DIAPH2: variants seen among roughly 807,000 people sequenced by gnomAD.
DIAPH2 encodes the protein protein diaphanous homolog 2.
In DIAPH2, 35 loss-of-function variants were observed where a neutral mutation model predicts 92.7. The ratio of observed to expected loss-of-function variants is 0.38; its 90% CI spans 0.29 to 0.50. The LOEUF (loss-of-function observed/expected upper bound fraction) is 0.50, where lower values mean the gene tolerates loss of function less well. Among genes scored for constraint, DIAPH2 ranks in the 20% least tolerant of loss-of-function variants. The pLI is 0.94. For synonymous variants in DIAPH2, 301 were observed against 280.4 expected (o/e 1.07, Z -0.73); for missense variants, 701 against 819.5 (o/e 0.86, Z 1.77).
intron 26 of DIAPH2, among the ~76,000 whole-genome samples, chrX:97,459,664 T>G (rs1330212281): frequency 1.8e-5 from 2 of 112,074 alleles, no homozygotes; most frequent in Non-Finnish European, 3.8e-5. Context: ...AATCCTCATA[T>G]CAATCCTACA....
In DIAPH2 at chrX:97,544,966, A is replaced by G. The variant is rs142210469; in HGVS notation, c.3242-54287A>G. ...TGGTGTACCCGGCAGCTGTGAGAAT[A>G]GCAAAGACACAGCCTCAGCCTCCCA... On this transcript the variant is annotated intron_variant, in intron 26 of 26. Coordinates refer to ENST00000324765, the MANE Select transcript of DIAPH2 (RefSeq NM_006729.5). Among the ~76,000 whole-genome samples, 557 of 111,352 alleles carry G rather than the reference A, an allele frequency of 5.0e-3. 2 individuals carry two copies. The highest frequency in any genetic ancestry group is 9.0e-3 in the Non-Finnish European group (475 of 53,050).
intron 16 of DIAPH2, among the ~76,000 whole-genome samples, chrX:96,962,396 TATATATACACATATATATATACAC>T (rs2065863433): frequency 6.1e-4 from 38 of 62,072 alleles, no homozygotes; most frequent in South Asian, 1.8e-3. Flanking sequence ...TATATACACA[TATATATACACATATATATATACAC>T]ATATATATAC....
intron 4 of DIAPH2, among the ~76,000 whole-genome samples, chrX:96,838,717 G>A (rs1227476810): frequency 9.0e-6 from 1 of 111,592 alleles, no homozygotes; most frequent in Non-Finnish European, 1.9e-5. Context: ...TAGATGAAAT[G>A]GAAAGTAATT....
Position 97,015,611 on chromosome X carries a change from C to A in DIAPH2, c.2050+50404C>A, listed in dbSNP as rs923614075. On this transcript the variant is annotated intron_variant, in intron 17 of 26. Transcript: ENST00000324765. ...AAAAATGACTCGTGTAAATATGTGT[C>A]GGTGTACATGTTAACATGGCATTTT... 4.5e-5 allele frequency among the ~76,000 whole-genome samples: 5 copies of A among 110,501 alleles called. No individual in the cohort carries two copies. In the Admixed American group the frequency reaches 4.8e-4, roughly 11 times the overall value.
chrX:96,899,459 A>G (rs944178535), intron 5 of DIAPH2, among the ~76,000 whole-genome samples: 1 of 110,493 alleles, frequency 9.1e-6, no homozygotes, highest in Non-Finnish European at 1.9e-5. Flanking sequence ...TGTAAGTTGG[A>G]TTCCTAGGTA....
At chrX:97,203,459 A>G (rs1032685939) in intron 22 of DIAPH2, among the ~76,000 whole-genome samples, 3 of 111,757 alleles carry the variant, frequency 2.7e-5, no homozygotes, top group Non-Finnish European at 3.8e-5. Context: ...AGAAGAATCA[A>G]ATAGACACAA....
intron 25 of DIAPH2, among the ~76,000 whole-genome samples, chrX:97,419,897 C>T (rs1203232074): frequency 2.7e-5 from 3 of 111,506 alleles, no homozygotes; most frequent in Non-Finnish European, 5.6e-5. Context: ...TTACTTTTCC[C>T]TTCACAAGCC....
intron 4 of DIAPH2, among the ~76,000 whole-genome samples, chrX:96,760,091 A>T: frequency 9.0e-6 from 1 of 111,442 alleles, no homozygotes; most frequent in African/African-American, 3.2e-5. Context: ...GAGCACCTGA[A>T]ATATGCACAG....
chrX:97,537,515 C>CCTG (rs1235802567), intron 26 of DIAPH2, among the ~76,000 whole-genome samples: 2 of 111,763 alleles, frequency 1.8e-5, no homozygotes, highest in African/African-American at 6.5e-5. Flanking sequence ...CCGAATGATT[C>CCTG]CTGCCTCCTG....
chrX:97,526,759 A>AT (rs764458186), intron 26 of DIAPH2, among the ~76,000 whole-genome samples: 35 of 111,608 alleles, frequency 3.1e-4, no homozygotes, highest in African/African-American at 1.1e-3. Flanking sequence ...GTACTCTAAA[A>AT]TTCTCTTATT....
chrX:97,272,882 G>A (rs747920291), intron 23 of DIAPH2, among the ~76,000 whole-genome samples: 17 of 112,318 alleles, frequency 1.5e-4, no homozygotes, highest in African/African-American at 3.9e-4. Flanking sequence ...TTGGCTGAGC[G>A]CAGTGGCTCA....
At chrX:96,812,970 TGTG>T (rs768901887) in intron 4 of DIAPH2, among the ~76,000 whole-genome samples, 15 of 111,754 alleles carry the variant, frequency 1.3e-4, no homozygotes, top group Admixed American at 6.7e-4. Context: ...ATAAGTGTGA[TGTG>T]GTGCTGAGAA....
chrX:97,059,527 G>C (rs190666035), intron 17 of DIAPH2, among the ~76,000 whole-genome samples: 20 of 111,430 alleles, frequency 1.8e-4, no homozygotes, highest in African/African-American at 5.9e-4. Flanking sequence ...AATAACTTTT[G>C]ACTCCCAAAA....
intron 24 of DIAPH2, among the ~76,000 whole-genome samples, chrX:97,355,404 T>TAA (rs747177499): frequency 3.0e-5 from 3 of 99,010 alleles, no homozygotes; most frequent in Non-Finnish European, 4.1e-5. Context: ...CACTTGACAT[T>TAA]AAAAAAAAAA....
At chrX:97,143,010 G>A (rs1026056237) in intron 22 of DIAPH2, among the ~76,000 whole-genome samples, 2 of 111,491 alleles carry the variant, frequency 1.8e-5, no homozygotes, top group African/African-American at 3.3e-5. Flanking sequence ...TAATTTTACC[G>A]AGTTTGTATC....
chrX:97,278,505 CT>C (rs1013151206), intron 23 of DIAPH2, among the ~76,000 whole-genome samples: 2 of 111,330 alleles, frequency 1.8e-5, no homozygotes, highest in African/African-American at 6.5e-5. Flanking sequence ...CCCCTAACCC[CT>C]GGCAACCACT....
chrX:97,484,587 T>C (rs1219477509), intron 26 of DIAPH2, among the ~76,000 whole-genome samples: 1 of 112,351 alleles, frequency 8.9e-6, no homozygotes, highest in Non-Finnish European at 1.9e-5. Context: ...TACTTTTCCA[T>C]GTCTCAAGGA....
chrX:97,358,574 A>C (rs943054359), intron 24 of DIAPH2, among the ~76,000 whole-genome samples: 3 of 112,010 alleles, frequency 2.7e-5, no homozygotes, highest in African/African-American at 9.7e-5. Flanking sequence ...TAGATAAGTT[A>C]ATATTATATC....
intron 17 of DIAPH2, among the ~76,000 whole-genome samples, chrX:96,999,498 CAAAAAAAAAAA>C (rs756579556): frequency 2.1e-5 from 1 of 47,386 alleles, no homozygotes; most frequent in Non-Finnish European, 3.7e-5. Flanking sequence ...GAGACTGTCT[CAAAAAAAAAAA>C]AAAAAAAAAA....
Sources: gnomAD v4.1 joint callset for allele counts (sites outside exome capture counted in the v4.1 genomes callset) on GRCh38, gnomAD v4.1.1 for gene constraint, MANE v1.5 for transcripts, NCBI Gene and HGNC (gene_info 2026-07-23, HGNC 2026-07-21) for gene names.